PTPRQ: variants seen among roughly 807,000 people sequenced by gnomAD.
The protein encoded by PTPRQ is protein tyrosine phosphatase receptor type Q.
PTPRQ carries 199 observed loss-of-function variants against 246.0 expected under a neutral mutation model. The ratio of observed to expected loss-of-function variants is 0.81; its 90% confidence interval spans 0.72 to 0.91. The LOEUF (loss-of-function observed/expected upper bound fraction) is 0.91, where lower values mean the gene tolerates loss of function less well. Ranked by LOEUF, PTPRQ falls within the 40% of genes least tolerant of loss-of-function variation. The pLI is 0.00. For synonymous variants in PTPRQ, 869 were observed against 853.2 expected, an observed-to-expected ratio of 1.02 and a Z score of -0.32; for missense variants, 2,624 against 2,528.4, an observed-to-expected ratio of 1.04 and a Z score of -0.81.
chr12:80,500,563 T>C (rs1250234413), intron 14 of PTPRQ, among the ~76,000 whole-genome samples: 3 of 152,024 alleles, frequency 2.0e-5, no homozygotes, highest in Non-Finnish European at 4.4e-5. Context: ...TACACCGAGC[T>C]ATAAAATTCA....
chr12:80,677,049 G>C (rs538153887), intron 43 of PTPRQ, among the ~76,000 whole-genome samples: 10 of 152,212 alleles, frequency 6.6e-5, no homozygotes, highest in African/African-American at 2.4e-4. Flanking sequence ...GAAGGACCTT[G>C]GAACCTGTAG....
At chr12:80,546,794 A>G in intron 24 of PTPRQ, 97 bp downstream of exon 24, 1 of 1,408,654 alleles carries the variant, frequency 7.1e-7, no homozygotes, top group East Asian at 2.5e-5. Context: ...ATTACTTAAG[A>G]GTCTACTCAA....
chr12:80,572,793 T>G (rs558568780), intron 25 of PTPRQ, among the ~76,000 whole-genome samples: 66 of 152,208 alleles, frequency 4.3e-4, no homozygotes, highest in Non-Finnish European at 8.2e-4. Flanking sequence ...TCTCTTGCTG[T>G]GATAAGTTAC....
intron 28 of PTPRQ, among the ~76,000 whole-genome samples, chr12:80,612,608 A>T (rs546290364): frequency 6.6e-6 from 1 of 150,440 alleles, no homozygotes; most frequent in East Asian, 1.9e-4. Flanking sequence ...AATAGCCACA[A>T]TGGAAAATAA....
intron 16 of PTPRQ, among the ~76,000 whole-genome samples, chr12:80,508,142 A>G (rs1220149434): frequency 1.3e-5 from 2 of 151,946 alleles, no homozygotes; most frequent in Non-Finnish European, 2.9e-5. Context: ...GTAAAGTTCC[A>G]TCTAAATTCT....
chr12:80,618,875 G>A (rs1300595955), intron 30 of PTPRQ, among the ~76,000 whole-genome samples: 1 of 151,426 alleles, frequency 6.6e-6, no homozygotes, highest in Non-Finnish European at 1.5e-5. Flanking sequence ...ACAGTGAGAA[G>A]AGTGTGTTGT....
chr12:80,623,178 G>A (rs543582104), intron 33 of PTPRQ, among the ~76,000 whole-genome samples: 17 of 152,108 alleles, frequency 1.1e-4, no homozygotes, highest in African/African-American at 4.1e-4. Context: ...GGAGAAAGAC[G>A]GATTGTCCCA....
intron 25 of PTPRQ, among the ~76,000 whole-genome samples, chr12:80,550,539 G>A (rs754690449): frequency 2.0e-5 from 3 of 152,002 alleles, no homozygotes; most frequent in Admixed American, 6.6e-5. Flanking sequence ...TTCAGACTAC[G>A]GTGTTTCCCT....
intron 29 of PTPRQ, 84 bp from the exon 30 acceptor site, chr12:80,616,116 T>C (rs1898748082): frequency 5.8e-6 from 5 of 862,762 alleles, no homozygotes; most frequent in Non-Finnish European, 7.7e-6. Flanking sequence ...TACATACATA[T>C]ATAGATACAT....
chr12:80,492,983 CG>C (rs1894495000), intron 9 of PTPRQ, among the ~76,000 whole-genome samples: 1 of 151,826 alleles, frequency 6.6e-6, no homozygotes, highest in Non-Finnish European at 1.5e-5. Context: ...TGCATGAGGA[CG>C]TCTTATCTTA....
At chr12:80,602,303 G>A (rs987067624) in intron 26 of PTPRQ, among the ~76,000 whole-genome samples, 2 of 151,694 alleles carry the variant, frequency 1.3e-5, no homozygotes, top group Non-Finnish European at 2.9e-5. Context: ...AAATTCCATA[G>A]ACATAATGTT....
chr12:80,539,162 G>A (rs1346994694), intron 19 of PTPRQ, among the ~76,000 whole-genome samples: 1 of 151,880 alleles, frequency 6.6e-6, no homozygotes, highest in East Asian at 1.9e-4. Flanking sequence ...GGGGAAAAAT[G>A]CAACTAGGAG....
intron 6 of PTPRQ, among the ~76,000 whole-genome samples, chr12:80,468,037 A>C (rs2120526057): frequency 6.7e-6 from 1 of 149,800 alleles, no homozygotes; most frequent in South Asian, 2.1e-4. Context: ...CAATGATTTC[A>C]TAAGGGTCAT....
intron 9 of PTPRQ, among the ~76,000 whole-genome samples, chr12:80,486,286 C>T (rs1030272491): frequency 1.3e-5 from 2 of 151,992 alleles, no homozygotes; most frequent in Non-Finnish European, 2.9e-5. Context: ...TAGTTGCTAC[C>T]CAATATTACT....
chr12:80,635,536 A>G (rs1317859104), intron 35 of PTPRQ, among the ~76,000 whole-genome samples: 2 of 152,118 alleles, frequency 1.3e-5, no homozygotes, highest in African/African-American at 4.8e-5. Flanking sequence ...TCTAAGTTGT[A>G]TATGATATCA....
chr12:80,501,822 A>T (rs1051486085), intron 14 of PTPRQ, among the ~76,000 whole-genome samples: 7 of 151,924 alleles, frequency 4.6e-5, no homozygotes, highest in Non-Finnish European at 8.8e-5. Context: ...GTAAAGTAAG[A>T]TGGGGCATAC....
intron 17 of PTPRQ, among the ~76,000 whole-genome samples, chr12:80,515,411 T>A (rs956983415): frequency 6.7e-6 from 1 of 149,090 alleles, no homozygotes; most frequent in Admixed American, 6.7e-5. Context: ...AAAAAACATT[T>A]ATTTGAATAT....
intron 25 of PTPRQ, among the ~76,000 whole-genome samples, chr12:80,558,237 G>C (rs989352503): frequency 6.7e-6 from 1 of 148,848 alleles, no homozygotes; most frequent in Non-Finnish European, 1.5e-5. Flanking sequence ...GTGCGATCTC[G>C]ACTCACTGCA....
chr12:80,517,742 A>C (rs1895348558), intron 17 of PTPRQ, among the ~76,000 whole-genome samples: 1 of 152,110 alleles, frequency 6.6e-6, no homozygotes, highest in African/African-American at 2.4e-5. Context: ...CCACAAATAA[A>C]TGAGAACATG....
Sources: gnomAD v4.1 joint callset for allele counts (sites outside exome capture counted in the v4.1 genomes callset) on GRCh38, gnomAD v4.1.1 for gene constraint, MANE v1.5 for transcripts, NCBI Gene and HGNC (gene_info 2026-07-23, HGNC 2026-07-21) for gene names.